The following ZNF365 variants were observed in gnomAD, a reference collection of about 807,000 sequenced individuals.
ZNF365 encodes protein ZNF365.
Under a neutral mutation model 35.0 loss-of-function variants are expected in ZNF365, and 22 were observed. That is an observed-to-expected ratio of 0.63 (90% CI 0.45 to 0.90). The LOEUF is 0.90. Ranked by LOEUF, ZNF365 falls within the 40% of genes least tolerant of loss-of-function variation. ZNF365 has a pLI of 0.00. For missense variants in ZNF365, 448 were observed against 500.3 expected, an observed-to-expected ratio of 0.90 and a Z score of 1.00; for synonymous variants, 188 against 196.2, an observed-to-expected ratio of 0.96 and a Z score of 0.35.
At chr10:62,434,494 C>G (rs185729808) in intron 3 of ZNF365, among the ~76,000 whole-genome samples, 5 of 152,192 alleles carry the variant, frequency 3.3e-5, no homozygotes, top group Admixed American at 2.0e-4. Context: ...ATTCATTCAT[C>G]CTAGAATGAA....
intron 1 of ZNF365, 43 bp from the exon 2 acceptor site, chr10:62,376,138 G>C: frequency 6.3e-7 from 1 of 1,591,716 alleles, no homozygotes; most frequent in Non-Finnish European, 8.6e-7. Context: ...TTAGTAGTGT[G>C]TTTTTCAGCC....
chr10:62,451,660 G>C (rs1412502811), intron 3 of ZNF365, among the ~76,000 whole-genome samples: 4 of 152,160 alleles, frequency 2.6e-5, no homozygotes, highest in African/African-American at 9.7e-5. Flanking sequence ...TGCCATGCAG[G>C]GGCTTGGCTA....
At chr10:62,452,367 C>G (rs1049722243) in intron 3 of ZNF365, among the ~76,000 whole-genome samples, 1 of 152,140 alleles carries the variant, frequency 6.6e-6, no homozygotes, top group Admixed American at 6.5e-5. Flanking sequence ...GCTGACCCCT[C>G]TAGGAAAATT....
chr10:62,435,714 C>G (rs1279460747), intron 3 of ZNF365, among the ~76,000 whole-genome samples: 1 of 152,106 alleles, frequency 6.6e-6, no homozygotes, highest in Admixed American at 6.6e-5. Context: ...ATTATTTTTA[C>G]CATGGATATT....
chr10:62,474,044 G>A (rs1446499374), intron 4 of ZNF365, among the ~76,000 whole-genome samples: 1 of 152,216 alleles, frequency 6.6e-6, no homozygotes, highest in East Asian at 1.9e-4. Context: ...TTGAGAGAGG[G>A]AGTTAGAAAA....
chr10:62,439,325 C>T (rs780540043), intron 3 of ZNF365, among the ~76,000 whole-genome samples: 4 of 151,304 alleles, frequency 2.6e-5, no homozygotes, highest in Admixed American at 2.0e-4. Context: ...GAAGCACTCA[C>T]GTGATTGAGC....
intron 3 of ZNF365, among the ~76,000 whole-genome samples, chr10:62,391,617 A>C (rs904404631): frequency 6.6e-6 from 1 of 152,214 alleles, no homozygotes; most frequent in African/African-American, 2.4e-5. Flanking sequence ...GGTATATATA[A>C]ACCACAATTT....
chr10:62,393,433 C>T (rs1442766840), intron 3 of ZNF365, among the ~76,000 whole-genome samples: 1 of 152,196 alleles, frequency 6.6e-6, no homozygotes, highest in Non-Finnish European at 1.5e-5. Flanking sequence ...ATTCATTGTG[C>T]TACAACATTA....
chr10:62,383,511 G>A (rs915817226), intron 2 of ZNF365, among the ~76,000 whole-genome samples: 1 of 152,200 alleles, frequency 6.6e-6, no homozygotes, highest in Admixed American at 6.5e-5. Context: ...GTGGCTCAGT[G>A]CAAAAATGAA....
intron 3 of ZNF365, among the ~76,000 whole-genome samples, chr10:62,434,261 T>G (rs1840375003): frequency 1.3e-5 from 2 of 152,166 alleles, no homozygotes; most frequent in African/African-American, 4.8e-5. Flanking sequence ...CAGTGGTGCT[T>G]CAACACAGCA....
chr10:62,426,198 G>C, intron 3 of ZNF365, among the ~76,000 whole-genome samples: 1 of 151,628 alleles, frequency 6.6e-6, no homozygotes, highest in East Asian at 1.9e-4. Flanking sequence ...TCTTCCTTTT[G>C]GTTGACTCAT....
downstream of ZNF365, among the ~76,000 whole-genome samples, chr10:62,404,599 T>C (rs1273220497): frequency 6.6e-6 from 1 of 152,152 alleles, no homozygotes; most frequent in Non-Finnish European, 1.5e-5. Context: ...GAGAGTTATT[T>C]GAGAGGTGAC....
intron 3 of ZNF365, among the ~76,000 whole-genome samples, chr10:62,435,951 G>T (rs572407755): frequency 1.3e-5 from 2 of 152,168 alleles, no homozygotes; most frequent in South Asian, 4.2e-4. Flanking sequence ...ACAGTTCTGT[G>T]GTATTTTGTC....
chr10:62,442,967 C>G (rs2132466332), intron 3 of ZNF365, among the ~76,000 whole-genome samples: 2 of 152,308 alleles, frequency 1.3e-5, no homozygotes, highest in African/African-American at 4.8e-5. Flanking sequence ...ACCCCAGAAA[C>G]AGAACAGATT....
intron 3 of ZNF365, among the ~76,000 whole-genome samples, chr10:62,393,174 A>G (rs533515109): frequency 3.0e-4 from 45 of 152,304 alleles, no homozygotes; most frequent in African/African-American, 9.4e-4. Flanking sequence ...CTATGGTCAC[A>G]ACACCTTCTT....
intron 3 of ZNF365, among the ~76,000 whole-genome samples, chr10:62,395,629 T>C (rs1282710946): frequency 6.6e-6 from 1 of 151,764 alleles, no homozygotes; most frequent in Non-Finnish European, 1.5e-5. Context: ...AGTGCTGGGA[T>C]TGCAGGTGTG....
chr10:62,464,281 A>G (rs1840896172), intron 4 of ZNF365, among the ~76,000 whole-genome samples: 1 of 152,222 alleles, frequency 6.6e-6, no homozygotes, highest in Non-Finnish European at 1.5e-5. Context: ...CTTTCCTGCT[A>G]TGATCTCCCA....
At chr10:62,406,551 G>C (rs569002751), downstream of ZNF365, among the ~76,000 whole-genome samples, 2 of 152,258 alleles carry the variant, frequency 1.3e-5, no homozygotes, top group East Asian at 3.9e-4. Flanking sequence ...GGTATTTGTG[G>C]AGTATGGGAA....
At chr10:62,429,517 G>C (rs1167561896) in intron 3 of ZNF365, among the ~76,000 whole-genome samples, 1 of 152,290 alleles carries the variant, frequency 6.6e-6, no homozygotes, top group African/African-American at 2.4e-5. Context: ...GTACTTAACT[G>C]TTATGTGAGA....
Sources: gnomAD v4.1 joint callset for allele counts (sites outside exome capture counted in the v4.1 genomes callset) on GRCh38, gnomAD v4.1.1 for gene constraint, MANE v1.5 for transcripts, NCBI Gene and HGNC (gene_info 2026-07-23, HGNC 2026-07-21) for gene names.